Variants in MGAT4C observed in about 807,000 individuals in gnomAD.
The protein encoded by MGAT4C is alpha-1,3-mannosyl-glycoprotein 4-beta-N-acetylglucosaminyltransferase C.
A neutral mutation model predicts 40.1 loss-of-function variants in MGAT4C; 19 were observed. The observed-to-expected ratio is 0.47, with a 90% CI of 0.33 to 0.70. The LOEUF (loss-of-function observed/expected upper bound fraction) is 0.70, where lower values mean the gene tolerates loss of function less well. Among genes scored for constraint, MGAT4C ranks in the 30% least tolerant of loss-of-function variants. The pLI is 0.02. For synonymous variants in MGAT4C, 181 were observed against 187.1 expected, an observed-to-expected ratio of 0.97 and a Z score of 0.27; for missense variants, 491 against 563.2, an observed-to-expected ratio of 0.87 and a Z score of 1.30.
At chr12:86,006,081 A>G (rs1887842570) in intron 2 of MGAT4C, among the ~76,000 whole-genome samples, 1 of 152,132 alleles carries the variant, frequency 6.6e-6, no homozygotes, top group Non-Finnish European at 1.5e-5. Flanking sequence ...AAGCTCGACT[A>G]TGTGATATAA....
chr12:86,753,745 T>C (rs1951259679), intron 1 of MGAT4C, among the ~76,000 whole-genome samples: 1 of 151,368 alleles, frequency 6.6e-6, no homozygotes, highest in Non-Finnish European at 1.5e-5. Context: ...GAATAGAAAA[T>C]AGGTGGATGA....
intron 4 of MGAT4C, among the ~76,000 whole-genome samples, chr12:85,980,976 T>C (rs1207109671): frequency 6.6e-6 from 1 of 152,152 alleles, no homozygotes. Context: ...AGTTTTCTTT[T>C]TTTTGCTGTC....
intron 1 of MGAT4C, among the ~76,000 whole-genome samples, chr12:86,071,740 T>C (rs1306263754): frequency 1.3e-5 from 2 of 152,110 alleles, no homozygotes; most frequent in Non-Finnish European, 2.9e-5. Flanking sequence ...CCATTTTACA[T>C]ATTCAAGAAA....
intron 2 of MGAT4C, among the ~76,000 whole-genome samples, chr12:86,556,704 A>T (rs1959629076): frequency 6.6e-6 from 1 of 152,198 alleles, no homozygotes; most frequent in East Asian, 1.9e-4. Context: ...ATAATTTTAA[A>T]ATGTTAAATA....
At chr12:86,144,788 G>T (rs542263452) in intron 1 of MGAT4C, among the ~76,000 whole-genome samples, 2 of 152,042 alleles carry the variant, frequency 1.3e-5, no homozygotes, top group Admixed American at 1.3e-4. Context: ...ACTGCAAGAA[G>T]AATCTTAAAA....
In MGAT4C at chr12:86,384,320, C is replaced by A. The variant is rs575313899; in HGVS notation, c.-119-50193G>T. Reference sequence around the variant, plus strand: ...AATATTTCTACCTAAGATGAGACAACTATCCTGTGATTGTAATTTGCAGGA... The same window carrying A: ...AATATTTCTACCTAAGATGAGACAAATATCCTGTGATTGTAATTTGCAGGA... On this transcript the variant is annotated intron_variant, in intron 3 of 7. Transcript: ENST00000548651. Among the ~76,000 whole-genome samples, 7 of 152,292 alleles carry A rather than the reference C, an allele frequency of 4.6e-5. No individual in the cohort carries two copies. In the East Asian group the frequency reaches 5.8e-4, roughly 13 times the overall value.
At chr12:86,289,279 T>TA (rs1406046670) in intron 4 of MGAT4C, among the ~76,000 whole-genome samples, 1 of 90,904 alleles carries the variant, frequency 1.1e-5, no homozygotes, top group Non-Finnish European at 2.4e-5. Flanking sequence ...TTTGTTTTTG[T>TA]ACCAATACCA....
At chr12:86,098,943 C>A (rs2135591107) in intron 1 of MGAT4C, among the ~76,000 whole-genome samples, 1 of 151,530 alleles carries the variant, frequency 6.6e-6, no homozygotes, top group Middle Eastern at 3.4e-3. Flanking sequence ...ATATTCCATT[C>A]AATTACAGAT....
At chr12:86,044,568 C>A (rs1892203660) in intron 2 of MGAT4C, among the ~76,000 whole-genome samples, 1 of 151,990 alleles carries the variant, frequency 6.6e-6, no homozygotes, top group South Asian at 2.1e-4. Context: ...TGACAGTGGG[C>A]AAGTGAGTGC....
chr12:85,993,000 C>T (rs962380057), intron 2 of MGAT4C, among the ~76,000 whole-genome samples: 5 of 152,210 alleles, frequency 3.3e-5, no homozygotes, highest in Non-Finnish European at 5.9e-5. Flanking sequence ...AAGCTTGCCC[C>T]AGCCTAAAAA....
upstream of MGAT4C, among the ~76,000 whole-genome samples, chr12:86,257,310 T>A (rs1418547961): frequency 6.6e-6 from 1 of 151,974 alleles, no homozygotes; most frequent in Admixed American, 6.6e-5. Context: ...AAAACTACAA[T>A]CACCTTGAAA....
chr12:86,428,274 T>A (rs1956969058), intron 3 of MGAT4C, among the ~76,000 whole-genome samples: 1 of 152,202 alleles, frequency 6.6e-6, no homozygotes, highest in African/African-American at 2.4e-5. Flanking sequence ...AAGTTCCTAA[T>A]AACTGGCAGG....
chr12:86,556,139 G>T (rs748403965), intron 2 of MGAT4C, among the ~76,000 whole-genome samples: 2 of 152,034 alleles, frequency 1.3e-5, no homozygotes, highest in African/African-American at 2.4e-5. Flanking sequence ...TGTGGATGTT[G>T]CTCTGCTAAC....
intron 2 of MGAT4C, among the ~76,000 whole-genome samples, chr12:86,689,591 G>C (rs763483413): frequency 1.3e-5 from 2 of 152,208 alleles, no homozygotes; most frequent in South Asian, 4.1e-4. Context: ...GTCTGTTGGA[G>C]TTTGCTGGAC....
intron 1 of MGAT4C, among the ~76,000 whole-genome samples, chr12:86,239,986 CT>C (rs1183714685): frequency 2.7e-5 from 4 of 148,672 alleles, no homozygotes; most frequent in Non-Finnish European, 5.9e-5. Flanking sequence ...TGTAACTAAC[CT>C]GCACAATGTG....
At chr12:86,097,546 G>A (rs1874163105) in intron 1 of MGAT4C, among the ~76,000 whole-genome samples, 1 of 151,436 alleles carries the variant, frequency 6.6e-6, no homozygotes, top group Non-Finnish European at 1.5e-5. Context: ...AAAGTTTTTG[G>A]AAGATTTCCA....
intron 2 of MGAT4C, among the ~76,000 whole-genome samples, chr12:86,553,046 T>C (rs1166252007): frequency 1.3e-5 from 2 of 152,096 alleles, no homozygotes; most frequent in African/African-American, 4.8e-5. Flanking sequence ...ATCATTTGCT[T>C]TTTCTAGATA....
At position 86,415,123 on chromosome 12, in the gene MGAT4C, G is replaced by T. The variant is rs1249251776; in HGVS notation, c.-120+20034C>A. On this transcript the variant is annotated intron_variant, in intron 3 of 7. Coordinates refer to the MGAT4C transcript ENST00000548651. ...TAGAAAGGAATGAATGAGAGGCAAG[G>T]TGACACCGGGACCTCAAGTCTCTCC... 2.6e-5 allele frequency among the ~76,000 whole-genome samples: 4 copies of T among 151,922 alleles called. No homozygotes were observed. The East Asian group carries it at 7.7e-4, about 29-fold the overall frequency.
intron 3 of MGAT4C, among the ~76,000 whole-genome samples, chr12:86,386,518 T>TTG (rs1246956378): frequency 2.2e-4 from 34 of 152,210 alleles, no homozygotes; most frequent in Non-Finnish European, 2.9e-5. Context: ...ACAATCACAG[T>TTG]TGAAACATAT....
Sources: gnomAD v4.1 joint callset for allele counts (sites outside exome capture counted in the v4.1 genomes callset) on GRCh38, gnomAD v4.1.1 for gene constraint, MANE v1.5 for transcripts, NCBI Gene and HGNC (gene_info 2026-07-23, HGNC 2026-07-21) for gene names.